The following OPCML variants were observed in gnomAD, a reference collection of about 807,000 sequenced individuals.
OPCML encodes opioid-binding protein/cell adhesion molecule.
A neutral mutation model predicts 37.8 loss-of-function variants in OPCML; 13 were observed. The ratio of observed to expected loss-of-function variants is 0.34; its 90% CI spans 0.22 to 0.55. The LOEUF (loss-of-function observed/expected upper bound fraction) is 0.55, where lower values mean the gene tolerates loss of function less well. Among genes scored for constraint, OPCML ranks in the 20% least tolerant of loss-of-function variants. The pLI is 0.91. For synonymous variants in OPCML, 176 were observed against 168.8 expected (o/e 1.04, Z -0.33); for missense variants, 341 against 435.6 (o/e 0.78, Z 1.93).
intron 2 of OPCML, among the ~76,000 whole-genome samples, chr11:132,712,746 G>T (rs376148372): frequency 1.3e-5 from 2 of 152,198 alleles, no homozygotes; most frequent in African/African-American, 4.8e-5. Flanking sequence ...TTCAGCTCTC[G>T]CTTCTGGCAA....
chr11:132,836,382 C>T (rs1020238752), intron 2 of OPCML, among the ~76,000 whole-genome samples: 1 of 152,146 alleles, frequency 6.6e-6, no homozygotes, highest in Non-Finnish European at 1.5e-5. Flanking sequence ...TCTAGTAGCC[C>T]GGTGTGACTT....
At chr11:133,519,412 G>C (rs535966925) in intron 1 of OPCML, among the ~76,000 whole-genome samples, 5 of 152,308 alleles carry the variant, frequency 3.3e-5, no homozygotes, top group African/African-American at 9.6e-5. Flanking sequence ...AAGTCCTACA[G>C]CATCTGGGAG....
intron 3 of OPCML, among the ~76,000 whole-genome samples, chr11:132,639,548 G>A (rs1940721868): frequency 1.3e-5 from 2 of 152,208 alleles, no homozygotes; most frequent in South Asian, 4.1e-4. Context: ...GGAACCTAAA[G>A]TTCCTGAATC....
rs922184846 is a variant in OPCML, at chr11:132,884,072, G to A, written c.146+58854C>T. On this transcript the variant is annotated intron_variant, in intron 2 of 7. Transcript: ENST00000524381. Reference sequence around the variant, plus strand: ...AAGGCATCTTAAAAATCATCTAATCGTAGAGCCAAAATTCTAAAATGAGAT... The same window carrying A: ...AAGGCATCTTAAAAATCATCTAATCATAGAGCCAAAATTCTAAAATGAGAT... 2.9e-4 allele frequency among the ~76,000 whole-genome samples: 44 copies of A among 152,116 alleles called. 1 individual carries two copies. Among genetic ancestry groups the A allele is most frequent in the Admixed American group, 4.6e-4 (7 of 15,264 alleles).
chr11:133,317,949 C>T lies in OPCML; in HGVS notation c.61+214315G>A, dbSNP rs1051857716. Among the ~76,000 whole-genome samples the T allele has an allele frequency of 3.3e-5, 5 of 152,216 alleles. 1 individual carries two copies. The highest frequency in any genetic ancestry group is 1.5e-5 in the Non-Finnish European group (1 of 68,018). On this transcript the variant is annotated intron_variant, in intron 1 of 7. Coordinates refer to ENST00000524381, the MANE Select transcript of OPCML (RefSeq NM_001012393.5). ...GCCTATTATTAGGCCCACATCGAAG[C>T]GCTTCATGAGCATTTATGCCTCAGA... is the stretch of plus-strand genomic sequence containing the variant.
At chr11:132,678,427 T>A (rs964256470) in intron 2 of OPCML, among the ~76,000 whole-genome samples, 1 of 152,212 alleles carries the variant, frequency 6.6e-6, no homozygotes, top group African/African-American at 2.4e-5. Flanking sequence ...TTTATGACCA[T>A]GCAAAGACCT....
At chr11:132,879,830 T>G (rs1287091010) in intron 2 of OPCML, among the ~76,000 whole-genome samples, 1 of 152,222 alleles carries the variant, frequency 6.6e-6, no homozygotes, top group East Asian at 1.9e-4. Flanking sequence ...TGAGCCATTT[T>G]GGGAAAACAA....
intron 2 of OPCML, among the ~76,000 whole-genome samples, chr11:132,761,706 C>T (rs896527250): frequency 6.6e-5 from 10 of 152,046 alleles, no homozygotes; most frequent in South Asian, 2.1e-4. Context: ...TAGCAGTTCC[C>T]GTAACCTTTT....
intron 1 of OPCML, among the ~76,000 whole-genome samples, chr11:132,988,109 CT>C (rs952624532): frequency 6.6e-6 from 1 of 151,986 alleles, no homozygotes; most frequent in Non-Finnish European, 1.5e-5. Context: ...AAATAGTTCT[CT>C]TTTTTTTATT....
intron 1 of OPCML, among the ~76,000 whole-genome samples, chr11:133,275,324 A>T (rs1941963006): frequency 6.6e-6 from 1 of 151,812 alleles, no homozygotes; most frequent in African/African-American, 2.4e-5. Context: ...TTAGGTGCCA[A>T]TTTTTTTTTA....
chr11:133,242,560 C>T (rs768891155), intron 1 of OPCML, among the ~76,000 whole-genome samples: 1 of 152,162 alleles, frequency 6.6e-6, no homozygotes, highest in African/African-American at 2.4e-5. Context: ...GCAGGTGCCT[C>T]CTGGTGCCTC....
chr11:133,135,095 A>AT (rs1196843799), intron 1 of OPCML, among the ~76,000 whole-genome samples: 4 of 152,092 alleles, frequency 2.6e-5, no homozygotes, highest in Admixed American at 6.5e-5. Flanking sequence ...TCTGAAAGGC[A>AT]TTTTTCTCCC....
At chr11:132,790,311 C>T (rs540976095) in intron 2 of OPCML, among the ~76,000 whole-genome samples, 1 of 152,198 alleles carries the variant, frequency 6.6e-6, no homozygotes, top group African/African-American at 2.4e-5. Context: ...AGTAGCGTGG[C>T]TAGAATTAAC....
intron 1 of OPCML, among the ~76,000 whole-genome samples, chr11:132,999,093 T>C (rs1946942244): frequency 6.6e-6 from 1 of 152,060 alleles, no homozygotes; most frequent in South Asian, 2.1e-4. Context: ...GCAAAGAAAG[T>C]CCTATATTTC....
chr11:133,400,593 T>C (rs1383966955), intron 1 of OPCML, among the ~76,000 whole-genome samples: 3 of 152,204 alleles, frequency 2.0e-5, no homozygotes, highest in Non-Finnish European at 4.4e-5. Context: ...GCCACTGAGC[T>C]AAAATGGCAA....
At chr11:133,373,448 T>C (rs181502836) in intron 1 of OPCML, among the ~76,000 whole-genome samples, 2,210 of 132,138 alleles carry the variant, frequency 0.017, 92 homozygotes, top group African/African-American at 0.063. Context: ...TATATATATA[T>C]ACACACACAC....
At chr11:133,182,526 C>A (rs1937882445) in intron 1 of OPCML, among the ~76,000 whole-genome samples, 1 of 152,140 alleles carries the variant, frequency 6.6e-6, no homozygotes, top group African/African-American at 2.4e-5. Flanking sequence ...AAGAAAGCAG[C>A]CGCCTGGATG....
chr11:133,509,188 T>G (rs953153116), intron 1 of OPCML, among the ~76,000 whole-genome samples: 16 of 152,142 alleles, frequency 1.1e-4, no homozygotes, highest in Admixed American at 8.5e-4. Flanking sequence ...AAGGCCCGGA[T>G]GCATTAGCTA....
intron 2 of OPCML, among the ~76,000 whole-genome samples, chr11:132,883,265 C>A (rs1407848575): frequency 1.4e-5 from 2 of 147,244 alleles, no homozygotes; most frequent in African/African-American, 2.5e-5. Context: ...GTCATGTATG[C>A]CTACTTTAAA....
Sources: gnomAD v4.1 joint callset for allele counts (sites outside exome capture counted in the v4.1 genomes callset) on GRCh38, gnomAD v4.1.1 for gene constraint, MANE v1.5 for transcripts, NCBI Gene and HGNC (gene_info 2026-07-23, HGNC 2026-07-21) for gene names.